ZNF257: variants seen among roughly 807,000 people sequenced by gnomAD.
ZNF257 encodes the protein zinc finger protein 257.
Under a neutral mutation model 11.9 loss-of-function variants are expected in ZNF257, and 12 were observed. The ratio of observed to expected loss-of-function variants is 1.01; its 90% CI spans 0.65 to 1.63. The LOEUF (loss-of-function observed/expected upper bound fraction) is 1.63, where lower values mean the gene tolerates loss of function less well. ZNF257 is among the 40% of genes most tolerant of loss of function. The pLI, the probability that ZNF257 is intolerant of heterozygous loss-of-function variation, is 0.00. For synonymous variants in ZNF257, 183 were observed against 222.7 expected (o/e 0.82, Z 1.59); for missense variants, 580 against 665.5 (o/e 0.87, Z 1.41).
intron 1 of ZNF257, among the ~76,000 whole-genome samples, chr19:22,067,821 G>A (rs993779538): frequency 1.3e-5 from 2 of 151,568 alleles, no homozygotes; most frequent in Non-Finnish European, 2.9e-5. Context: ...GTGACAGAGC[G>A]AGACTCTATC....
chr19:22,089,682 A>T lies in ZNF257; in HGVS notation c.*240A>T. The T allele has an allele frequency of 3.0e-6, 3 of 993,488 alleles. No individual in the cohort carries two copies. Among genetic ancestry groups the T allele is most frequent in the Non-Finnish European group, 4.2e-6 (3 of 720,842 alleles). The allele number at this position is 993,488 out of a possible 1,614,324, so 61.5% of individuals were successfully genotyped here. On this transcript the variant is annotated 3_prime_UTR_variant, in exon 4 of 4. Coordinates refer to ENST00000594947, the MANE Select transcript of ZNF257 (RefSeq NM_033468.4). Reference sequence around the variant, plus strand: ...GTTCTCAACTCTTACTAAACATGAGAACACATGTGGAAGATAAAGCCTACA... The same window carrying T: ...GTTCTCAACTCTTACTAAACATGAGTACACATGTGGAAGATAAAGCCTACA...
chr19:22,057,494 A>G (rs1290277589), intron 1 of ZNF257, among the ~76,000 whole-genome samples: 2 of 146,234 alleles, frequency 1.4e-5, no homozygotes, highest in Non-Finnish European at 3.0e-5. Flanking sequence ...GATGCAGTTA[A>G]GGTTAAAATA....
In ZNF257 at chr19:22,089,652, T is replaced by A. The variant is rs4932954; in HGVS notation, c.*210T>A. 782,406 of 1,277,952 alleles carry A rather than the reference T, an allele frequency of 0.61. 243,822 individuals are homozygous for A. The highest frequency in any genetic ancestry group is 0.84 in the South Asian group (51,398 of 61,350). The allele number at this position is 1,277,952 out of a possible 1,614,324, so 79.2% of individuals were successfully genotyped here. A position where few individuals can be genotyped will look rare whatever the true frequency, so the allele number is the denominator to read the frequency against. On this transcript the variant is annotated 3_prime_UTR_variant, in exon 4 of 4. Transcript: ENST00000594947. Reference sequence around the variant, plus strand: ...ATGTGATGAATGTGGCATAGCCTCTTCCCAGTTCTCAACTCTTACTAAACA... The same window carrying A: ...ATGTGATGAATGTGGCATAGCCTCTACCCAGTTCTCAACTCTTACTAAACA...
At chr19:22,065,144 A>G (rs1401056818) in intron 1 of ZNF257, among the ~76,000 whole-genome samples, 1 of 151,988 alleles carries the variant, frequency 6.6e-6, no homozygotes, top group African/African-American at 2.4e-5. Context: ...TAATATTGTT[A>G]TTTATACTTT....
At position 22,090,485 on chromosome 19, in the gene ZNF257, C is replaced by G. The variant is rs2022602533; in HGVS notation, c.*1043C>G. The stretch of plus-strand genomic sequence containing the variant: ...GCCAGAGAGCTCATACTAAAATATA[C>G]TTTTGCAGATGCAATAAATACAAAG... On this transcript the variant is annotated 3_prime_UTR_variant, in exon 4 of 4. Transcript: ENST00000594947. 1 of 152,096 alleles carries G rather than the reference C, an allele frequency of 6.6e-6. No individual in the cohort carries two copies. Among genetic ancestry groups the G allele is most frequent in the Non-Finnish European group, 1.5e-5 (1 of 67,984 alleles). 9.4% of individuals were successfully genotyped at this position (152,096 alleles called of 1,614,324 possible).
rs1454668087 is a variant in ZNF257 at position 22,089,085 on chromosome 19, C to A, written c.1335C>A (p.Tyr445Ter). 6.2e-7 allele frequency: 1 copy of A among 1,613,588 alleles called. No homozygotes were observed. The highest frequency in any genetic ancestry group is 8.5e-7 in the Non-Finnish European group (1 of 1,179,808). The change falls in exon 4 of 4, where the codon TAC (tyrosine) becomes TAA (stop). Residue 445 changes from tyrosine (Y) to a stop codon, truncating the protein, a stop_gained. Coordinates refer to ENST00000594947, the MANE Select transcript of ZNF257 (RefSeq NM_033468.4). LOFTEE classifies it low-confidence loss of function (END_TRUNC). ...ECGKAFNRSS[Y>*]LIRHKIIHTG... ...GCAAAGCCTTTAACCGGTCTTCATA[C>A]CTTATTCGACATAAGATAATTCATA...
intron 1 of ZNF257, among the ~76,000 whole-genome samples, chr19:22,062,200 GCAGGCACC>G (rs1323367787): frequency 1.4e-5 from 2 of 146,942 alleles, no homozygotes; most frequent in Non-Finnish European, 3.0e-5. Flanking sequence ...AGCTAGGATT[GCAGGCACC>G]CACCACTGCG....
chr19:22,065,394 T>G (rs2021917352), intron 1 of ZNF257, among the ~76,000 whole-genome samples: 1 of 152,006 alleles, frequency 6.6e-6, no homozygotes, highest in South Asian at 2.1e-4. Context: ...GAGATGGGAT[T>G]TCACCATGTT....
At chr19:22,077,783 A>G (rs2145708983) in intron 3 of ZNF257, among the ~76,000 whole-genome samples, 1 of 152,294 alleles carries the variant, frequency 6.6e-6, no homozygotes, top group Middle Eastern at 3.4e-3. Flanking sequence ...ATAGATTCAT[A>G]AATGAGATTG....
chr19:22,061,602 T>C (rs1301853862), intron 1 of ZNF257, among the ~76,000 whole-genome samples: 1 of 150,854 alleles, frequency 6.6e-6, no homozygotes, highest in Non-Finnish European at 1.5e-5. Context: ...TTTGACAACC[T>C]CTCTTCCCAT....
chr19:22,089,680 A>T lies in ZNF257; in HGVS notation c.*238A>T. ...CAGTTCTCAACTCTTACTAAACATGAGAACACATGTGGAAGATAAAGCCTA... is the reference window on the plus strand; with the variant it reads ...CAGTTCTCAACTCTTACTAAACATGTGAACACATGTGGAAGATAAAGCCTA... On this transcript the variant is annotated 3_prime_UTR_variant, in exon 4 of 4. Coordinates refer to ENST00000594947, the MANE Select transcript of ZNF257 (RefSeq NM_033468.4). 3 of 1,008,490 alleles carry T rather than the reference A, an allele frequency of 3.0e-6. No homozygotes were observed. The highest frequency in any genetic ancestry group is 4.1e-6 in the Non-Finnish European group (3 of 733,748). 62.5% of individuals were successfully genotyped at this position (1,008,490 alleles called of 1,614,324 possible).
chr19:22,052,968 G>A (rs1971736242), intron 1 of ZNF257, among the ~76,000 whole-genome samples: 1 of 152,134 alleles, frequency 6.6e-6, no homozygotes, highest in African/African-American at 2.4e-5. Context: ...CTCGGGGTGC[G>A]GGGTTCATGA....
chr19:22,078,195 G>A (rs918286283), intron 3 of ZNF257, among the ~76,000 whole-genome samples: 6 of 137,796 alleles, frequency 4.4e-5, no homozygotes, highest in Non-Finnish European at 9.1e-5. Context: ...CTGAGATCTC[G>A]CCACTGCACT....
At chr19:22,083,223 A>T (rs1315053501) in intron 3 of ZNF257, among the ~76,000 whole-genome samples, 1 of 152,132 alleles carries the variant, frequency 6.6e-6, no homozygotes, top group Admixed American at 6.5e-5. Context: ...TAATCCCAGC[A>T]GTTTGGGAGG....
rs778686817 is a variant in ZNF257 at position 22,088,037 on chromosome 19, A to G, written c.287A>G (p.Gln96Arg). Reference protein sequence around the residue: ...CPERDIKYFFQKVILRRYDKC... With the variant: ...CPERDIKYFFRKVILRRYDKC... ...GAGCGAGACATAAAATATTTTTTCC[A>G]AAAAGTCATACTGAGGAGATATGAT... The change falls in exon 4 of 4, where the codon CAA becomes CGA. Residue 96 changes from glutamine to arginine, a missense_variant. Transcript: ENST00000594947. 5 of 1,500,604 alleles carry G rather than the reference A, an allele frequency of 3.3e-6. No homozygotes were observed. Among genetic ancestry groups the G allele is most frequent in the Non-Finnish European group, 1.8e-6 (2 of 1,125,020 alleles). The allele number at this position is 1,500,604 out of a possible 1,614,324, so 93.0% of individuals were successfully genotyped here.
intron 3 of ZNF257, among the ~76,000 whole-genome samples, chr19:22,076,577 T>A (rs2022227823): frequency 6.6e-6 from 1 of 152,176 alleles, no homozygotes; most frequent in African/African-American, 2.4e-5. Flanking sequence ...ATACTGTAGT[T>A]ATCTAGACAA....
chr19:22,076,441 TTTA>T (rs1335960239), intron 3 of ZNF257, among the ~76,000 whole-genome samples: 3 of 152,032 alleles, frequency 2.0e-5, no homozygotes, highest in Non-Finnish European at 2.9e-5. Flanking sequence ...TAAATGCTTA[TTTA>T]TTGTTTCTCA....
chr19:22,090,881 A>G lies in ZNF257; in HGVS notation c.*1439A>G, dbSNP rs2022610736. On this transcript the variant is annotated 3_prime_UTR_variant, in exon 4 of 4. Transcript: ENST00000594947. ...AGATACTTTATTAGGTGGGAATTATATACGACCTCTTCTATAAAATAGTAA... is the reference window on the plus strand; with the variant it reads ...AGATACTTTATTAGGTGGGAATTATGTACGACCTCTTCTATAAAATAGTAA... The G allele has an allele frequency of 6.6e-6, 1 of 152,172 alleles. No homozygotes were observed. Among genetic ancestry groups the G allele is most frequent in the South Asian group, 2.1e-4 (1 of 4,832 alleles). The allele number at this position is 152,172 out of a possible 1,614,324, so 9.4% of individuals were successfully genotyped here.
intron 1 of ZNF257, among the ~76,000 whole-genome samples, chr19:22,053,552 G>A (rs1041751819): frequency 6.6e-6 from 1 of 152,148 alleles, no homozygotes. Flanking sequence ...ACATTTCCTT[G>A]TTATGTAATC....
Sources: allele counts gnomAD v4.1 joint callset (sites outside exome capture counted in the v4.1 genomes callset), GRCh38; gene constraint gnomAD v4.1.1; transcripts MANE v1.5; gene names NCBI Gene and HGNC (gene_info 2026-07-23, HGNC 2026-07-21).